NNMT: variants seen among roughly 807,000 people sequenced by gnomAD.
NNMT encodes nicotinamide N-methyltransferase.
In NNMT, 10 loss-of-function variants were observed where a neutral mutation model predicts 11.7. The observed-to-expected ratio is 0.85, with a 90% CI of 0.53 to 1.45. NNMT has a LOEUF of 1.45. Ranked by LOEUF, NNMT falls within the 40% of genes most tolerant of loss-of-function variation. The pLI is 0.00. For synonymous variants in NNMT, 143 were observed against 133.8 expected (o/e 1.07, Z -0.48); for missense variants, 381 against 319.4 (o/e 1.19, Z -1.47).
intron 2 of NNMT, among the ~76,000 whole-genome samples, chr11:114,266,692 T>C (rs1328128550): frequency 6.6e-6 from 1 of 152,248 alleles, no homozygotes; most frequent in East Asian, 1.9e-4. Context: ...ACTTAATTCC[T>C]CTGCCCTCTT....
At chr11:114,272,063 C>T (rs1439370778) in intron 2 of NNMT, among the ~76,000 whole-genome samples, 1 of 152,062 alleles carries the variant, frequency 6.6e-6, no homozygotes, top group African/African-American at 2.4e-5. Context: ...ACCTAAATGT[C>T]TAGAGGTGGA....
chr11:114,284,156 T>G (rs1356874334), intron 2 of NNMT, among the ~76,000 whole-genome samples: 2 of 152,196 alleles, frequency 1.3e-5, no homozygotes, highest in African/African-American at 4.8e-5. Flanking sequence ...TTTCAGCTTT[T>G]GCCAGCAGGA....
At chr11:114,264,951 C>T (rs573932226) in intron 2 of NNMT, among the ~76,000 whole-genome samples, 5 of 152,324 alleles carry the variant, frequency 3.3e-5, no homozygotes, top group African/African-American at 9.6e-5. Context: ...TCTCTGAACC[C>T]TGTCCTTTTG....
At position 114,283,835 on chromosome 11, in the gene NNMT, T is replaced by C. The variant is rs374381227; in HGVS notation, c.-129-12593T>C. Among the ~76,000 whole-genome samples, 17 of 152,380 alleles carry C rather than the reference T, an allele frequency of 1.1e-4. No individual in the cohort carries two copies. In the East Asian group the frequency reaches 1.2e-3, roughly 10 times the overall value. On this transcript the variant is annotated intron_variant, in intron 2 of 4. Transcript: ENST00000535401. ...AGAAGAGAATTACAAGATCCAATCT[T>C]AGTCCTAACATCTTTTACCCTGAAC...
At chr11:114,297,634 C>T (rs1360527917) in intron 1 of NNMT, among the ~76,000 whole-genome samples, 2 of 151,946 alleles carry the variant, frequency 1.3e-5, no homozygotes, top group African/African-American at 2.4e-5. Flanking sequence ...TTCAGGCACA[C>T]GCCACCATGC....
upstream of NNMT, among the ~76,000 whole-genome samples, chr11:114,292,121 A>AT (rs550705862): frequency 1.3e-4 from 19 of 151,016 alleles, no homozygotes; most frequent in African/African-American, 3.4e-4. Context: ...ATTTTGGATA[A>AT]TTTTTTTTTA....
chr11:114,273,731 T>G (rs1489505129), intron 2 of NNMT, among the ~76,000 whole-genome samples: 1 of 152,024 alleles, frequency 6.6e-6, no homozygotes, highest in Admixed American at 6.6e-5. Flanking sequence ...TCCCAGCTAC[T>G]CGGGAGGCTG....
chr11:114,258,880 C>G (rs1360909008), intron 1 of NNMT, among the ~76,000 whole-genome samples: 1 of 149,216 alleles, frequency 6.7e-6, no homozygotes, highest in Non-Finnish European at 1.5e-5. Context: ...TGGGCCTGTG[C>G]GTGTGCTGTT....
chr11:114,289,871 G>T (rs1945322667), intron 2 of NNMT, among the ~76,000 whole-genome samples: 1 of 152,164 alleles, frequency 6.6e-6, no homozygotes. Flanking sequence ...AAACAACAGA[G>T]ATTTGATTCT....
chr11:114,287,927 A>T (rs1321826870), intron 2 of NNMT, among the ~76,000 whole-genome samples: 1 of 151,952 alleles, frequency 6.6e-6, no homozygotes, highest in Non-Finnish European at 1.5e-5. Flanking sequence ...AAATTTTATT[A>T]TTTTCTCCAT....
chr11:114,288,423 A>G (rs183345687), intron 2 of NNMT, among the ~76,000 whole-genome samples: 1 of 149,454 alleles, frequency 6.7e-6, no homozygotes, highest in African/African-American at 2.4e-5. Flanking sequence ...GTGAATGGAT[A>G]TAGAATTTAA....
At chr11:114,280,358 A>G (rs1054153134) in intron 2 of NNMT, among the ~76,000 whole-genome samples, 1 of 151,880 alleles carries the variant, frequency 6.6e-6, no homozygotes, top group African/African-American at 2.4e-5. Context: ...GTGGTGTGTG[A>G]GCCGGGAGCC....
chr11:114,270,118 AT>A (rs1207945169), intron 2 of NNMT, among the ~76,000 whole-genome samples: 1 of 152,068 alleles, frequency 6.6e-6, no homozygotes, highest in Non-Finnish European at 1.5e-5. Context: ...ATCAGAGAAT[AT>A]TTTGTATTAT....
At chr11:114,269,233 T>C in intron 2 of NNMT, among the ~76,000 whole-genome samples, 1 of 152,234 alleles carries the variant, frequency 6.6e-6, no homozygotes, top group East Asian at 1.9e-4. Context: ...ATGAATGCAG[T>C]GAAGGCTTTC....
In NNMT at chr11:114,312,727, A is replaced by G. The variant is rs1945565934; in HGVS notation, c.*250A>G. The stretch of plus-strand genomic sequence containing the variant: ...TCCAGTCTTCATTGCCTGTGCTTAC[A>G]AAAGAAGACCTCACTTCCCTAAACA... On this transcript the variant is annotated 3_prime_UTR_variant, in exon 3 of 3. Coordinates refer to ENST00000299964, the MANE Select transcript of NNMT (RefSeq NM_006169.3). The G allele has an allele frequency of 4.2e-6, 2 of 479,698 alleles. No homozygotes were observed. The highest frequency in any genetic ancestry group is 7.4e-6 in the Non-Finnish European group (2 of 270,352). 29.7% of individuals were successfully genotyped at this position (479,698 alleles called of 1,614,324 possible). A position where few individuals can be genotyped will look rare whatever the true frequency, so the allele number is the denominator to read the frequency against.
chr11:114,273,050 C>G (rs1165248915), intron 2 of NNMT, among the ~76,000 whole-genome samples: 1 of 152,094 alleles, frequency 6.6e-6, no homozygotes, highest in Non-Finnish European at 1.5e-5. Context: ...ACGTATGTGC[C>G]TCTGATTTTA....
upstream of NNMT, among the ~76,000 whole-genome samples, chr11:114,292,859 G>A (rs1945344736): frequency 6.6e-6 from 1 of 152,138 alleles, no homozygotes; most frequent in Admixed American, 6.5e-5. Context: ...TCACCACTAT[G>A]TCTAAAATTC....
chr11:114,267,919 G>T, intron 2 of NNMT, among the ~76,000 whole-genome samples: 1 of 152,176 alleles, frequency 6.6e-6, no homozygotes, highest in East Asian at 1.9e-4. Context: ...ACTTTTTAAA[G>T]TTGATTTATT....
At chr11:114,260,350 T>C (rs1326567973) in intron 1 of NNMT, among the ~76,000 whole-genome samples, 1 of 152,252 alleles carries the variant, frequency 6.6e-6, no homozygotes, top group Non-Finnish European at 1.5e-5. Flanking sequence ...AGCCCTTCCC[T>C]ATGTGGAACT....
Sources: gnomAD v4.1 joint callset for allele counts (sites outside exome capture counted in the v4.1 genomes callset) on GRCh38, gnomAD v4.1.1 for gene constraint, MANE v1.5 for transcripts, NCBI Gene and HGNC (gene_info 2026-07-23, HGNC 2026-07-21) for gene names.